TRIO: variants seen among roughly 807,000 people sequenced by gnomAD.
The protein encoded by TRIO is triple functional domain protein.
In TRIO, 58 loss-of-function variants were observed where a neutral mutation model predicts 351.9. That is an observed-to-expected ratio of 0.16 (90% confidence interval 0.13 to 0.21). The LOEUF (loss-of-function observed/expected upper bound fraction) is 0.21, where lower values mean the gene tolerates loss of function less well. Ranked by LOEUF, TRIO falls within the 10% of genes least tolerant of loss-of-function variation. TRIO has a pLI of 1.00. For synonymous variants in TRIO, 1,758 were observed against 1,595.7 expected, an observed-to-expected ratio of 1.10 and a Z score of -2.42; for missense variants, 3,201 against 4,027.8, an observed-to-expected ratio of 0.79 and a Z score of 5.56.
chr5:14,172,659 A>G (rs1346714672), intron 1 of TRIO, among the ~76,000 whole-genome samples: 1 of 152,260 alleles, frequency 6.6e-6, no homozygotes, highest in Admixed American at 6.5e-5. Flanking sequence ...TTAGAGGTGG[A>G]GCCTTCGTGG....
chr5:14,481,375 A>AG, intron 44 of TRIO, 91 bp downstream of exon 44: 3 of 1,548,986 alleles, frequency 1.9e-6, no homozygotes, highest in Non-Finnish European at 1.8e-6. Context: ...TGGCCCTGGG[A>AG]GGGGGTCAAA....
At chr5:14,421,632 C>T (rs376108672) in intron 34 of TRIO, among the ~76,000 whole-genome samples, 5 of 149,956 alleles carry the variant, frequency 3.3e-5, no homozygotes, top group African/African-American at 1.2e-4. Context: ...ATTGTTTGTT[C>T]CCTTGCAGTG....
intron 21 of TRIO, among the ~76,000 whole-genome samples, chr5:14,384,950 G>T (rs569215480): frequency 1.3e-5 from 2 of 152,224 alleles, no homozygotes; most frequent in South Asian, 4.2e-4. Context: ...ATGGACAAAA[G>T]ATATTAAACA....
intron 53 of TRIO, 81 bp downstream of exon 53, chr5:14,498,721 T>G: frequency 6.4e-7 from 1 of 1,570,576 alleles, no homozygotes; most frequent in Non-Finnish European, 8.7e-7. Context: ...GAGTCTGCCC[T>G]TACACTCCAA....
At chr5:14,160,198 C>A (rs569529855) in intron 1 of TRIO, among the ~76,000 whole-genome samples, 1 of 152,278 alleles carries the variant, frequency 6.6e-6, no homozygotes, top group African/African-American at 2.4e-5. Context: ...ATTAAGAACA[C>A]GTAGAGCAGG....
intron 3 of TRIO, among the ~76,000 whole-genome samples, chr5:14,280,950 A>G (rs976771761): frequency 2.6e-5 from 4 of 152,222 alleles, no homozygotes; most frequent in African/African-American, 9.7e-5. Context: ...AATTTTTAGC[A>G]TAGATGCCAA....
chr5:14,428,236 C>T (rs976536397), intron 34 of TRIO, among the ~76,000 whole-genome samples: 3 of 152,140 alleles, frequency 2.0e-5, no homozygotes, highest in African/African-American at 2.4e-5. Context: ...TCGAAAATAT[C>T]GTGATTCAGG....
At chr5:14,207,105 TTA>T (rs1791503689) in intron 1 of TRIO, among the ~76,000 whole-genome samples, 1 of 152,110 alleles carries the variant, frequency 6.6e-6, no homozygotes, top group South Asian at 2.1e-4. Context: ...TTAAACTTTT[TTA>T]TATTCAGTTT....
chr5:14,430,194 T>A lies in TRIO; in HGVS notation c.5203+10173T>A, dbSNP rs568265431. Reference sequence around the variant, plus strand: ...GTAATGATATTTGCGTGCTTTTTTTTTTAATTTTTTTACCCAAATAGCAAA... The same window carrying A: ...GTAATGATATTTGCGTGCTTTTTTTATTAATTTTTTTACCCAAATAGCAAA... On this transcript the variant is annotated intron_variant, in intron 34 of 56. Transcript: ENST00000344204. Among the ~76,000 whole-genome samples the A allele has an allele frequency of 4.8e-3, 691 of 144,514 alleles. 7 individuals carry two copies. Among genetic ancestry groups the A allele is most frequent in the African/African-American group, 0.018 (667 of 37,712 alleles). The allele number at this position is 144,514 out of a possible 152,430, so 94.8% of individuals were successfully genotyped here. A position where few individuals can be genotyped will look rare whatever the true frequency, so the allele number is the denominator to read the frequency against.
intron 1 of TRIO, 71 bp downstream of exon 1, chr5:14,143,953 C>G: frequency 3.0e-6 from 3 of 1,003,786 alleles, no homozygotes; most frequent in Non-Finnish European, 3.6e-6. Context: ...CGCGGAGCTG[C>G]CGAGCTCCGG....
intron 8 of TRIO, among the ~76,000 whole-genome samples, chr5:14,314,866 C>G (rs886866391): frequency 6.6e-6 from 1 of 152,202 alleles, no homozygotes; most frequent in Middle Eastern, 3.2e-3. Flanking sequence ...TTAACTGACA[C>G]TAATTCAGCA....
intron 1 of TRIO, among the ~76,000 whole-genome samples, chr5:14,219,911 A>G (rs907721379): frequency 6.6e-6 from 1 of 151,702 alleles, no homozygotes; most frequent in Non-Finnish European, 1.5e-5. Context: ...CATTGCACAT[A>G]TCAAGAGTGA....
chr5:14,378,212 G>A (rs968248150), intron 20 of TRIO, 85 bp downstream of exon 20: 54 of 1,069,728 alleles, frequency 5.0e-5, no homozygotes, highest in Non-Finnish European at 6.2e-5. Flanking sequence ...TGACATTTCC[G>A]CCATCTTGAA....
chr5:14,198,590 A>G (rs1790915497), intron 1 of TRIO, among the ~76,000 whole-genome samples: 1 of 152,230 alleles, frequency 6.6e-6, no homozygotes, highest in Admixed American at 6.5e-5. Context: ...TTGGGTTGGC[A>G]ACATTGCTTG....
At chr5:14,185,133 C>T (rs2152142207) in intron 1 of TRIO, among the ~76,000 whole-genome samples, 1 of 149,340 alleles carries the variant, frequency 6.7e-6, no homozygotes, top group Middle Eastern at 3.5e-3. Flanking sequence ...TTCCACTTCC[C>T]CCATAAAATT....
intron 43 of TRIO, among the ~76,000 whole-genome samples, 192 bp from the exon 44 acceptor site, chr5:14,481,042 T>G: frequency 6.6e-6 from 1 of 151,950 alleles, no homozygotes; most frequent in East Asian, 1.9e-4. Context: ...CCAAAAAGGT[T>G]AGCTTGTGTG....
chr5:14,267,602 A>T (rs1554044556), intron 1 of TRIO, among the ~76,000 whole-genome samples: 1 of 152,160 alleles, frequency 6.6e-6, no homozygotes, highest in Non-Finnish European at 1.5e-5. Context: ...ATAGTTCCAC[A>T]CTGTTTTCCT....
chr5:14,144,814 C>G (rs964394880), intron 1 of TRIO, among the ~76,000 whole-genome samples: 1 of 151,808 alleles, frequency 6.6e-6, no homozygotes, highest in East Asian at 1.9e-4. Context: ...CCAGATCCCG[C>G]GCGAGCCGGG....
At chr5:14,398,749 G>C in intron 29 of TRIO, 131 bp from the exon 30 acceptor site, 2 of 812,166 alleles carry the variant, frequency 2.5e-6, no homozygotes, top group Non-Finnish European at 3.9e-6. Context: ...GTCAGGATCA[G>C]ATGGGAAACT....
Sources: allele counts gnomAD v4.1 joint callset (sites outside exome capture counted in the v4.1 genomes callset), GRCh38; gene constraint gnomAD v4.1.1; transcripts MANE v1.5; gene names NCBI Gene and HGNC (gene_info 2026-07-23, HGNC 2026-07-21).